Variants in RNF180 observed in about 807,000 individuals in gnomAD.
The protein encoded by RNF180 is E3 ubiquitin-protein ligase RNF180.
A neutral mutation model predicts 59.2 loss-of-function variants in RNF180; 38 were observed. That is an observed-to-expected ratio of 0.64 (90% CI 0.50 to 0.84). The LOEUF (loss-of-function observed/expected upper bound fraction) is 0.84, where lower values mean the gene tolerates loss of function less well. Among genes scored for constraint, RNF180 ranks in the 40% least tolerant of loss-of-function variants. The probability of loss-of-function intolerance (pLI) is 0.00; values close to 1 mark genes in which losing one functional copy is unlikely to be tolerated. For missense variants in RNF180, 705 were observed against 700.9 expected (o/e 1.01, Z -0.07); for synonymous variants, 262 against 240.3 (o/e 1.09, Z -0.84).
intron 5 of RNF180, among the ~76,000 whole-genome samples, chr5:64,228,678 TAAAA>T (rs898402038): frequency 2.0e-5 from 3 of 152,088 alleles, no homozygotes. Context: ...TGTAAAACGT[TAAAA>T]AAATCATTAT....
intron 1 of RNF180, among the ~76,000 whole-genome samples, chr5:64,167,919 G>A (rs1482465198): frequency 6.6e-6 from 1 of 152,140 alleles, no homozygotes; most frequent in Non-Finnish European, 1.5e-5. Flanking sequence ...TATCTCGAAA[G>A]TAGTTTGAAC....
intron 1 of RNF180, among the ~76,000 whole-genome samples, chr5:64,183,230 T>C (rs890297649): frequency 3.3e-5 from 5 of 152,142 alleles, no homozygotes; most frequent in Admixed American, 3.3e-4. Context: ...ATCTATAAAA[T>C]GGAGTTAACA....
At chr5:64,190,312 G>A (rs1751077421) in intron 1 of RNF180, among the ~76,000 whole-genome samples, 1 of 152,152 alleles carries the variant, frequency 6.6e-6, no homozygotes, top group Non-Finnish European at 1.5e-5. Flanking sequence ...AATGGGAATG[G>A]CAACCCTATG....
intron 2 of RNF180, among the ~76,000 whole-genome samples, chr5:64,204,736 G>A (rs1751929616): frequency 6.6e-6 from 1 of 152,084 alleles, no homozygotes; most frequent in South Asian, 2.1e-4. Flanking sequence ...TATATTGTGA[G>A]GGGAAATGTT....
At chr5:64,346,793 A>G (rs1325269426) in intron 7 of RNF180, among the ~76,000 whole-genome samples, 2 of 152,254 alleles carry the variant, frequency 1.3e-5, no homozygotes, top group East Asian at 3.9e-4. Context: ...AAAGCTCCCC[A>G]GATGATAACT....
At chr5:64,336,423 C>T (rs765644506) in intron 7 of RNF180, among the ~76,000 whole-genome samples, 1 of 152,164 alleles carries the variant, frequency 6.6e-6, no homozygotes, top group Non-Finnish European at 1.5e-5. Context: ...CAACTCTCTG[C>T]CACAATAAAA....
At chr5:64,323,693 G>A (rs1387683733) in intron 5 of RNF180, among the ~76,000 whole-genome samples, 6 of 152,142 alleles carry the variant, frequency 3.9e-5, no homozygotes, top group Non-Finnish European at 8.8e-5. Context: ...AAGGGATGGG[G>A]GAGGGTAGAG....
intron 2 of RNF180, among the ~76,000 whole-genome samples, chr5:64,202,287 C>T (rs949350808): frequency 1.4e-4 from 22 of 152,236 alleles, no homozygotes; most frequent in South Asian, 6.2e-4. Context: ...TTTGTGTCAG[C>T]GTAGTGTTTT....
chr5:64,213,372 G>A (rs543727342), intron 3 of RNF180, among the ~76,000 whole-genome samples, 186 bp from the exon 4 acceptor site: 2 of 152,052 alleles, frequency 1.3e-5, no homozygotes, highest in East Asian at 1.9e-4. Flanking sequence ...GAACTTTGGC[G>A]CTGCTTATCT....
At chr5:64,184,779 G>T (rs1750792281) in intron 1 of RNF180, among the ~76,000 whole-genome samples, 1 of 152,086 alleles carries the variant, frequency 6.6e-6, no homozygotes, top group Non-Finnish European at 1.5e-5. Context: ...TTTCCAGGAG[G>T]GGCAGATTCT....
At chr5:64,264,546 C>A (rs536880508) in intron 5 of RNF180, among the ~76,000 whole-genome samples, 1 of 152,132 alleles carries the variant, frequency 6.6e-6, no homozygotes, top group East Asian at 1.9e-4. Flanking sequence ...CATGTCCCTG[C>A]AAAGAACATG....
intron 1 of RNF180, among the ~76,000 whole-genome samples, chr5:64,180,369 A>C (rs1240737982): frequency 6.6e-6 from 1 of 152,228 alleles, no homozygotes; most frequent in Non-Finnish European, 1.5e-5. Context: ...TAAATGAAGA[A>C]GTAAACATGC....
At chr5:64,353,144 TAC>T (rs2112587671) in intron 7 of RNF180, among the ~76,000 whole-genome samples, 1 of 151,964 alleles carries the variant, frequency 6.6e-6, no homozygotes, top group South Asian at 2.1e-4. Flanking sequence ...AAGTTTTTAA[TAC>T]ATAGATACAT....
intron 5 of RNF180, among the ~76,000 whole-genome samples, chr5:64,246,081 G>A (rs182202540): frequency 5.1e-4 from 78 of 152,110 alleles, no homozygotes; most frequent in Admixed American, 1.4e-3. Flanking sequence ...AAGACACAAT[G>A]TCAACATACC....
At chr5:64,320,480 T>C (rs1744289247) in intron 5 of RNF180, among the ~76,000 whole-genome samples, 1 of 152,184 alleles carries the variant, frequency 6.6e-6, no homozygotes, top group Non-Finnish European at 1.5e-5. Context: ...TCCCACTATA[T>C]ACACAAAAGG....
At chr5:64,311,942 C>G (rs959102291) in intron 5 of RNF180, among the ~76,000 whole-genome samples, 2 of 151,996 alleles carry the variant, frequency 1.3e-5, no homozygotes, top group East Asian at 3.9e-4. Context: ...GCAAGAGCCA[C>G]TGGAAAAGAC....
chr5:64,326,314 A>G (rs1242919097), intron 6 of RNF180, among the ~76,000 whole-genome samples: 1 of 152,162 alleles, frequency 6.6e-6, no homozygotes, highest in Non-Finnish European at 1.5e-5. Flanking sequence ...CCAGAAACTA[A>G]ATGGAATTAT....
intron 1 of RNF180, among the ~76,000 whole-genome samples, chr5:64,191,683 T>C (rs939746162): frequency 9.9e-5 from 15 of 152,230 alleles, no homozygotes; most frequent in African/African-American, 3.6e-4. Context: ...AAGATTTTTA[T>C]GTTTTTATAT....
chr5:64,286,895 G>C (rs1212757533), intron 5 of RNF180, among the ~76,000 whole-genome samples: 1 of 152,066 alleles, frequency 6.6e-6, no homozygotes. Context: ...GAATATAAAG[G>C]GCAAACTGGA....
Sources: allele counts gnomAD v4.1 joint callset (sites outside exome capture counted in the v4.1 genomes callset), GRCh38; gene constraint gnomAD v4.1.1; transcripts MANE v1.5; gene names NCBI Gene and HGNC (gene_info 2026-07-23, HGNC 2026-07-21).